Variants in WWOX observed in about 807,000 individuals in gnomAD.
WWOX encodes WW domain containing oxidoreductase, also known as WW domain-containing oxidoreductase.
WWOX carries 69 observed loss-of-function variants against 46.2 expected under a neutral mutation model. The observed-to-expected ratio is 1.49, with a 90% CI of 1.23 to 1.82. The LOEUF is 1.82. Among genes scored for constraint, WWOX ranks in the 40% most tolerant of loss-of-function variants. WWOX has a pLI of 0.00. For synonymous variants in WWOX, 359 were observed against 202.6 expected, an observed-to-expected ratio of 1.77 and a Z score of -6.56; for missense variants, 919 against 542.6, an observed-to-expected ratio of 1.69 and a Z score of -6.89.
Position 78,343,762 on chromosome 16 carries a change from T to G in WWOX, c.517-43098T>G. Reference sequence around the variant, plus strand: ...AGATGACCTTTGGTTCCTAAACTGGTGGACATACCAAGGACTAAAGGAGTG... The same window carrying G: ...AGATGACCTTTGGTTCCTAAACTGGGGGACATACCAAGGACTAAAGGAGTG... On this transcript the variant is annotated intron_variant, in intron 5 of 8. Transcript: ENST00000566780. Among the ~76,000 whole-genome samples, 2 of 121,030 alleles carry G rather than the reference T, an allele frequency of 1.7e-5. 1 individual carries two copies. The highest frequency in any genetic ancestry group is 1.6e-4 in the Admixed American group (2 of 12,416). The allele number at this position is 121,030 out of a possible 152,430, so 79.4% of individuals were successfully genotyped here.
chr16:79,195,120 C>G (rs377299176), intron 8 of WWOX, among the ~76,000 whole-genome samples: 2 of 152,096 alleles, frequency 1.3e-5, no homozygotes, highest in Non-Finnish European at 2.9e-5. Flanking sequence ...GAGGAGAAAA[C>G]AGAGGCTCAG....
At chr16:78,351,773 C>G (rs940237406) in intron 5 of WWOX, among the ~76,000 whole-genome samples, 3 of 152,170 alleles carry the variant, frequency 2.0e-5, no homozygotes, top group Non-Finnish European at 4.4e-5. Flanking sequence ...TCTCCTCTCC[C>G]AGCCTCCCGA....
rs564449609 is a variant in WWOX at position 79,130,026 on chromosome 16, T to G, written c.1057-81582T>G. The stretch of plus-strand genomic sequence containing the variant: ...TAATATTTACAGAGAGCTTACTCCT[T>G]GTTAGCAGTTTTCATTAATTAATGG... On this transcript the variant is annotated intron_variant, in intron 8 of 8. Transcript: ENST00000566780. Among the ~76,000 whole-genome samples, 3 of 152,366 alleles carry G rather than the reference T, an allele frequency of 2.0e-5. No individual in the cohort carries two copies. The East Asian group carries it at 5.8e-4, about 29-fold the overall frequency.
At chr16:78,102,761 A>G (rs1367483072) in intron 1 of WWOX, among the ~76,000 whole-genome samples, 3 of 152,132 alleles carry the variant, frequency 2.0e-5, no homozygotes, top group Non-Finnish European at 4.4e-5. Flanking sequence ...CAGGTTGCAG[A>G]TGTCATGGGG....
chr16:78,330,831 T>G (rs1480150637), intron 5 of WWOX, among the ~76,000 whole-genome samples: 1 of 152,234 alleles, frequency 6.6e-6, no homozygotes, highest in Non-Finnish European at 1.5e-5. Context: ...CTTTCAAACT[T>G]CCTCCTGGAA....
chr16:78,671,907 C>T (rs79863116), intron 8 of WWOX, among the ~76,000 whole-genome samples: 1,941 of 152,216 alleles, frequency 0.013, 20 homozygotes, highest in South Asian at 0.038. Context: ...GCACTACTCA[C>T]TTCATTCCTT....
intron 5 of WWOX, among the ~76,000 whole-genome samples, chr16:78,331,308 G>T (rs1442668083): frequency 2.6e-5 from 4 of 152,210 alleles, no homozygotes. Context: ...AGTTAAGGAT[G>T]AAGGTAATAT....
intron 8 of WWOX, among the ~76,000 whole-genome samples, chr16:78,997,884 C>A (rs1434878463): frequency 6.7e-6 from 1 of 148,842 alleles, no homozygotes; most frequent in African/African-American, 2.5e-5. Context: ...AACATTCTTT[C>A]TTTTTTTTTT....
intron 4 of WWOX, among the ~76,000 whole-genome samples, chr16:78,130,370 A>C (rs2033540453): frequency 6.6e-6 from 1 of 152,152 alleles, no homozygotes; most frequent in Admixed American, 6.5e-5. Context: ...AGCCATCTGT[A>C]ACTAGTAGGA....
At chr16:78,677,145 C>G (rs950930938) in intron 8 of WWOX, among the ~76,000 whole-genome samples, 1 of 151,890 alleles carries the variant, frequency 6.6e-6, no homozygotes, top group Non-Finnish European at 1.5e-5. Context: ...ACAGTGTTTA[C>G]AGACCCCAAA....
intron 5 of WWOX, among the ~76,000 whole-genome samples, chr16:78,231,992 A>C (rs992353974): frequency 6.6e-6 from 1 of 152,180 alleles, no homozygotes; most frequent in African/African-American, 2.4e-5. Flanking sequence ...CCCTTTACTA[A>C]GTTCCAAGGA....
chr16:78,496,709 C>G (rs902970267), intron 8 of WWOX, among the ~76,000 whole-genome samples: 1 of 152,220 alleles, frequency 6.6e-6, no homozygotes, highest in African/African-American at 2.4e-5. Flanking sequence ...TCACTGACAA[C>G]TCACTATGTA....
chr16:78,966,655 A>C (rs2046368042), intron 8 of WWOX, among the ~76,000 whole-genome samples: 1 of 152,192 alleles, frequency 6.6e-6, no homozygotes, highest in Non-Finnish European at 1.5e-5. Flanking sequence ...CTATTTCTTA[A>C]GATTACATTT....
chr16:79,079,184 G>A (rs2048714801), intron 8 of WWOX, among the ~76,000 whole-genome samples: 1 of 152,154 alleles, frequency 6.6e-6, no homozygotes, highest in Non-Finnish European at 1.5e-5. Context: ...TCTATCTTCT[G>A]TCACCACCAC....
At chr16:78,694,990 C>A (rs1055056352) in intron 8 of WWOX, among the ~76,000 whole-genome samples, 1 of 152,144 alleles carries the variant, frequency 6.6e-6, no homozygotes, top group East Asian at 1.9e-4. Context: ...TATTCCAATA[C>A]CAGGATTGTA....
At chr16:79,010,517 G>C (rs2047282673) in intron 8 of WWOX, among the ~76,000 whole-genome samples, 1 of 152,174 alleles carries the variant, frequency 6.6e-6, no homozygotes, top group South Asian at 2.1e-4. Flanking sequence ...CAGGGAATAA[G>C]CCAGATTAAA....
chr16:78,549,784 T>C (rs1443147559), intron 8 of WWOX, among the ~76,000 whole-genome samples: 1 of 152,196 alleles, frequency 6.6e-6, no homozygotes, highest in East Asian at 1.9e-4. Context: ...ATGAACGTCT[T>C]AGATGATCTG....
chr16:78,943,784 G>C (rs146198897), intron 8 of WWOX, among the ~76,000 whole-genome samples: 27 of 152,202 alleles, frequency 1.8e-4, no homozygotes, highest in African/African-American at 6.5e-4. Context: ...ACAATTTGAA[G>C]GGGAAATCTT....
intron 8 of WWOX, among the ~76,000 whole-genome samples, chr16:78,698,061 A>T (rs906476377): frequency 1.3e-5 from 2 of 152,214 alleles, no homozygotes; most frequent in African/African-American, 4.8e-5. Flanking sequence ...GCTACTTAAA[A>T]TGATGTAAAG....
Sources: allele counts gnomAD v4.1 joint callset (sites outside exome capture counted in the v4.1 genomes callset), GRCh38; gene constraint gnomAD v4.1.1; transcripts MANE v1.5; gene names NCBI Gene and HGNC (gene_info 2026-07-23, HGNC 2026-07-21).